The following PAK2 variants were observed in gnomAD, a reference collection of about 807,000 sequenced individuals.
PAK2 encodes serine/threonine-protein kinase PAK 2.
A neutral mutation model predicts 65.9 loss-of-function variants in PAK2; 21 were observed. The observed-to-expected ratio is 0.32, with a 90% confidence interval of 0.23 to 0.46. The LOEUF (loss-of-function observed/expected upper bound fraction) is 0.46. Ranked by LOEUF, PAK2 falls within the 20% of genes least tolerant of loss-of-function variation. The pLI is 1.00. For synonymous variants in PAK2, 204 were observed against 219.7 expected, an observed-to-expected ratio of 0.93 and a Z score of 0.63; for missense variants, 324 against 642.6, an observed-to-expected ratio of 0.50 and a Z score of 5.36.
intron 1 of PAK2, among the ~76,000 whole-genome samples, chr3:196,769,379 T>C (rs1187100079): frequency 2.0e-5 from 3 of 152,048 alleles, no homozygotes; most frequent in Non-Finnish European, 4.4e-5. Context: ...TTTGTTGTGC[T>C]GCTGGTGAAA....
At position 196,779,819 on chromosome 3, in the gene PAK2, C is replaced by T. The variant is rs142779630; in HGVS notation, c.-21-2807C>T. Among the ~76,000 whole-genome samples the T allele has an allele frequency of 4.5e-3, 682 of 152,256 alleles. 11 individuals carry two copies. Among genetic ancestry groups the T allele is most frequent in the African/African-American group, 0.015 (644 of 41,550 alleles). On this transcript the variant is annotated intron_variant, in intron 1 of 14. Coordinates refer to ENST00000327134, the MANE Select transcript of PAK2 (RefSeq NM_002577.4). ...CCGAGTAGCTGGGACTACAGGCGTG[C>T]GCCACCACACCTGACTAATTTTTGT...
intron 11 of PAK2, among the ~76,000 whole-genome samples, chr3:196,816,628 C>G (rs984755395): frequency 6.6e-6 from 1 of 152,032 alleles, no homozygotes; most frequent in Non-Finnish European, 1.5e-5. Flanking sequence ...AAATGTATTG[C>G]GGTAACACCC....
At chr3:196,777,040 A>G (rs1211748378) in intron 1 of PAK2, among the ~76,000 whole-genome samples, 1 of 152,240 alleles carries the variant, frequency 6.6e-6, no homozygotes, top group African/African-American at 2.4e-5. Context: ...GCTGTCTTCT[A>G]CCACACCAGA....
At chr3:196,818,854 A>G (rs1711560378) in intron 12 of PAK2, among the ~76,000 whole-genome samples, 1 of 152,144 alleles carries the variant, frequency 6.6e-6, no homozygotes, top group Non-Finnish European at 1.5e-5. Context: ...AATAATTGTA[A>G]TAATAAATGT....
intron 12 of PAK2, among the ~76,000 whole-genome samples, chr3:196,818,395 G>A (rs937841532): frequency 5.3e-5 from 8 of 152,038 alleles, no homozygotes; most frequent in African/African-American, 1.7e-4. Flanking sequence ...GTAATGTCTT[G>A]TCTTGTCTTT....
intron 1 of PAK2, among the ~76,000 whole-genome samples, chr3:196,750,582 T>G (rs975964387): frequency 2.6e-5 from 4 of 152,172 alleles, no homozygotes; most frequent in Admixed American, 6.5e-5. Context: ...TAAATTCCTG[T>G]TGTACTTTGT....
intron 11 of PAK2, among the ~76,000 whole-genome samples, chr3:196,814,992 A>T (rs539076331): frequency 6.6e-6 from 1 of 151,404 alleles, no homozygotes; most frequent in South Asian, 2.1e-4. Context: ...ATCCTGGCTA[A>T]CACGGTGAAA....
chr3:196,809,399 G>C (rs71323753), intron 7 of PAK2, among the ~76,000 whole-genome samples: 1 of 132,890 alleles, frequency 7.5e-6, no homozygotes, highest in African/African-American at 2.8e-5. Flanking sequence ...ACCCAGGCTG[G>C]AGTGCAGTGG....
chr3:196,784,235 TTTA>T lies in PAK2; in HGVS notation c.187+1403_187+1405del, dbSNP rs1308071171. On this transcript the variant is annotated intron_variant, in intron 2 of 14. Coordinates refer to ENST00000327134, the MANE Select transcript of PAK2 (RefSeq NM_002577.4). ...TAATTTTTTTTTTCTTTTTTTTTTT[TTTA>T]ATTATACTTTAAGTTTTAGGGTACA... Among the ~76,000 whole-genome samples, 27 of 122,422 alleles carry T rather than the reference TTTA, an allele frequency of 2.2e-4. No individual in the cohort carries two copies. In the East Asian group the frequency reaches 4.7e-3, roughly 21 times the overall value. 80.3% of individuals were successfully genotyped at this position (122,422 alleles called of 152,430 possible).
intron 4 of PAK2, among the ~76,000 whole-genome samples, 189 bp downstream of exon 4, chr3:196,803,353 A>G (rs1358072442): frequency 6.6e-6 from 1 of 152,204 alleles, no homozygotes; most frequent in Non-Finnish European, 1.5e-5. Context: ...TGTGAATTAT[A>G]GTAATCTCAT....
At chr3:196,810,190 T>C (rs1715727332) in intron 7 of PAK2, among the ~76,000 whole-genome samples, 1 of 151,944 alleles carries the variant, frequency 6.6e-6, no homozygotes, top group South Asian at 2.1e-4. Context: ...ATATATCTAT[T>C]TTATATTCAA....
chr3:196,777,962 T>G (rs1459072113), intron 1 of PAK2, among the ~76,000 whole-genome samples: 1 of 152,242 alleles, frequency 6.6e-6, no homozygotes, highest in Non-Finnish European at 1.5e-5. Context: ...TTCACAGGGC[T>G]GTGCAGCCAT....
At chr3:196,771,955 C>A (rs1714375103) in intron 1 of PAK2, among the ~76,000 whole-genome samples, 1 of 152,196 alleles carries the variant, frequency 6.6e-6, no homozygotes, top group Non-Finnish European at 1.5e-5. Flanking sequence ...CTTTTTACTT[C>A]AAATGTTGAG....
rs146361124 is a variant in PAK2 at position 196,793,994 on chromosome 3, G to A, written c.188-7933G>A. Among the ~76,000 whole-genome samples, 214 of 152,136 alleles carry A rather than the reference G, an allele frequency of 1.4e-3. 1 individual carries two copies. The highest frequency in any genetic ancestry group is 4.9e-3 in the African/African-American group (204 of 41,492). Reference sequence around the variant, plus strand: ...AAAAATACAAAAATTAGCTGGGCTCGGTGGCGTACACCTGTAATCCCAGCT... The same window carrying A: ...AAAAATACAAAAATTAGCTGGGCTCAGTGGCGTACACCTGTAATCCCAGCT... On this transcript the variant is annotated intron_variant, in intron 2 of 14. Transcript: ENST00000327134.
intron 1 of PAK2, among the ~76,000 whole-genome samples, chr3:196,742,855 G>T (rs888177430): frequency 6.6e-6 from 1 of 152,226 alleles, no homozygotes; most frequent in South Asian, 2.1e-4. Context: ...GGGAGGCGGA[G>T]CTTGCAGTGA....
At chr3:196,811,726 A>G (rs1052876401) in intron 8 of PAK2, among the ~76,000 whole-genome samples, 1 of 152,116 alleles carries the variant, frequency 6.6e-6, no homozygotes, top group Non-Finnish European at 1.5e-5. Flanking sequence ...AAATGAAACT[A>G]TATGACGTTT....
At chr3:196,740,332 T>G (rs1192999412) in intron 1 of PAK2, among the ~76,000 whole-genome samples, 175 bp downstream of exon 1, 1 of 152,114 alleles carries the variant, frequency 6.6e-6, no homozygotes, top group Non-Finnish European at 1.5e-5. Context: ...TGGCTCATTG[T>G]CTGCTCCCCA....
chr3:196,797,109 C>T (rs900693754), intron 2 of PAK2, among the ~76,000 whole-genome samples: 1 of 152,128 alleles, frequency 6.6e-6, no homozygotes, highest in African/African-American at 2.4e-5. Context: ...TAGAACACTC[C>T]ACACAATAAC....
intron 1 of PAK2, among the ~76,000 whole-genome samples, chr3:196,756,729 G>A (rs1229564230): frequency 6.6e-6 from 1 of 152,100 alleles, no homozygotes; most frequent in Non-Finnish European, 1.5e-5. Flanking sequence ...CCAGCTACTC[G>A]GGAGGCTGAG....
Sources: allele counts gnomAD v4.1 joint callset (sites outside exome capture counted in the v4.1 genomes callset), GRCh38; gene constraint gnomAD v4.1.1; transcripts MANE v1.5; gene names NCBI Gene and HGNC (gene_info 2026-07-23, HGNC 2026-07-21).